CCDC93: variants seen among roughly 807,000 people sequenced by gnomAD.
CCDC93 encodes coiled-coil domain-containing protein 93.
A neutral mutation model predicts 108.2 loss-of-function variants in CCDC93; 61 were observed. The ratio of observed to expected loss-of-function variants is 0.56; its 90% CI spans 0.46 to 0.70. CCDC93 has a LOEUF of 0.70. Ranked by LOEUF, CCDC93 falls within the 30% of genes least tolerant of loss-of-function variation. CCDC93 has a pLI of 0.00. For missense variants in CCDC93, 685 were observed against 764.2 expected (o/e 0.90, Z 1.22); for synonymous variants, 276 against 260.4 (o/e 1.06, Z -0.58).
At chr2:117,975,092 G>C (rs1679892207) in intron 9 of CCDC93, 96 bp downstream of exon 9, 1 of 1,144,870 alleles carries the variant, frequency 8.7e-7, no homozygotes, top group Admixed American at 1.9e-5. Flanking sequence ...CTGGCTGTGG[G>C]AGGTGGTGGC....
intron 11 of CCDC93, among the ~76,000 whole-genome samples, chr2:117,963,310 A>C (rs1679454728): frequency 6.6e-6 from 1 of 152,220 alleles, no homozygotes; most frequent in East Asian, 1.9e-4. Flanking sequence ...GCAACAGATT[A>C]AATCTAATCA....
intron 23 of CCDC93, among the ~76,000 whole-genome samples, chr2:117,926,302 A>C (rs1678092732): frequency 6.6e-6 from 1 of 152,232 alleles, no homozygotes; most frequent in South Asian, 2.1e-4. Flanking sequence ...GACATAAAAA[A>C]CCCTTCAAAA....
At chr2:117,945,400 T>A in intron 17 of CCDC93, 129 bp downstream of exon 17, 1 of 718,362 alleles carries the variant, frequency 1.4e-6, no homozygotes, top group Non-Finnish European at 2.4e-6. Context: ...GACAATGCCC[T>A]GGAACGCCTA....
intron 13 of CCDC93, chr2:117,949,712 A>G (rs1230389973): frequency 1.0e-6 from 1 of 976,872 alleles, no homozygotes; most frequent in African/African-American, 1.8e-5. Flanking sequence ...AATTAAAAAA[A>G]AAAAGTTTTA....
chr2:117,927,732 C>T (rs1486369834), intron 23 of CCDC93, among the ~76,000 whole-genome samples: 1 of 152,180 alleles, frequency 6.6e-6, no homozygotes, highest in African/African-American at 2.4e-5. Context: ...CTACCAATGA[C>T]TTTCTTCACA....
At position 117,950,368 on chromosome 2, in the gene CCDC93, A is replaced by C. The variant is rs567335025; in HGVS notation, c.1069-973T>G. ...ACATAAAAGAATACTGCATAAAAAC[A>C]ATCAGCCTCACACACACGAAATTAG... On this transcript the variant is annotated intron_variant, in intron 13 of 23. Coordinates refer to ENST00000376300, the MANE Select transcript of CCDC93 (RefSeq NM_019044.5). 2.6e-4 allele frequency: 253 copies of C among 985,454 alleles called. 1 individual carries two copies. The African/African-American group carries it at 4.1e-3, about 16-fold the overall frequency. 61.0% of individuals were successfully genotyped at this position (985,454 alleles called of 1,614,324 possible).
At chr2:117,980,863 C>A (rs767533696) in intron 7 of CCDC93, among the ~76,000 whole-genome samples, 1 of 152,200 alleles carries the variant, frequency 6.6e-6, no homozygotes, top group Non-Finnish European at 1.5e-5. Flanking sequence ...ATTCTTCCCT[C>A]TTCCCAGCCC....
At chr2:118,008,011 T>C (rs1676925124) in intron 2 of CCDC93, among the ~76,000 whole-genome samples, 1 of 152,212 alleles carries the variant, frequency 6.6e-6, no homozygotes, top group Non-Finnish European at 1.5e-5. Context: ...ATCCCCACTC[T>C]ACAGAAATTG....
In CCDC93 at chr2:117,938,541, GAAAAAAAAGACAAGAAAAAAAA is replaced by G. The variant is rs1678592335; in HGVS notation, c.1605+466_1605+487del. 5.2e-5 allele frequency among the ~76,000 whole-genome samples: 4 copies of G among 77,134 alleles called. No individual in the cohort carries two copies. In the South Asian group the frequency reaches 1.8e-3, roughly 36 times the overall value. 50.6% of individuals were successfully genotyped at this position (77,134 alleles called of 152,430 possible). On this transcript the variant is annotated intron_variant, in intron 20 of 23. Transcript: ENST00000376300. Reference sequence around the variant, plus strand: ...TAAAACTTAAAGTATAATAATAAAAGAAAAAAAAGACAAGAAAAAAAAAAAAAAAAGACGAAGGGAGTGACAG... The same window carrying G: ...TAAAACTTAAAGTATAATAATAAAAGAAAAAAAAGACGAAGGGAGTGACAG...
intron 6 of CCDC93, among the ~76,000 whole-genome samples, chr2:117,993,195 G>C (rs1023400230): frequency 6.6e-6 from 1 of 152,084 alleles, no homozygotes; most frequent in African/African-American, 2.4e-5. Flanking sequence ...AGGAGATCGA[G>C]ACCATCCTGG....
chr2:117,926,516 T>G (rs1430519717), intron 23 of CCDC93, among the ~76,000 whole-genome samples: 1 of 152,158 alleles, frequency 6.6e-6, no homozygotes, highest in Non-Finnish European at 1.5e-5. Context: ...CTAGAAAATC[T>G]AGAAGAAATG....
At chr2:117,968,033 T>C (rs1679645686) in intron 11 of CCDC93, among the ~76,000 whole-genome samples, 2 of 152,214 alleles carry the variant, frequency 1.3e-5, no homozygotes, top group Non-Finnish European at 2.9e-5. Context: ...AATCTGTGCC[T>C]CTAGAGCTAT....
intron 22 of CCDC93, chr2:117,931,423 T>G: frequency 3.0e-6 from 1 of 329,756 alleles, no homozygotes; most frequent in Non-Finnish European, 5.6e-6. Context: ...GATTCTCAAC[T>G]AGGAGCTATT....
At chr2:117,986,345 T>C (rs1558796959) in intron 6 of CCDC93, among the ~76,000 whole-genome samples, 2 of 152,126 alleles carry the variant, frequency 1.3e-5, no homozygotes, top group South Asian at 2.1e-4. Flanking sequence ...GATCAATAAA[T>C]GCAGGTCTTC....
chr2:117,946,911 A>C (rs757094617), intron 15 of CCDC93, 29 bp from the exon 16 acceptor site: 2 of 1,528,554 alleles, frequency 1.3e-6, no homozygotes, highest in South Asian at 1.1e-5. Flanking sequence ...CTTTTACAAA[A>C]TTCAGACAAG....
chr2:117,960,329 G>A (rs763024436), intron 11 of CCDC93, among the ~76,000 whole-genome samples: 2 of 152,166 alleles, frequency 1.3e-5, no homozygotes, highest in Admixed American at 1.3e-4. Flanking sequence ...GTCAGGCTTC[G>A]AGACTGAGAC....
intron 11 of CCDC93, among the ~76,000 whole-genome samples, chr2:117,963,595 T>A (rs755753657): frequency 6.6e-6 from 1 of 152,184 alleles, no homozygotes; most frequent in African/African-American, 2.4e-5. Context: ...CAAAAACCCA[T>A]AGTTATGTAA....
At position 117,995,518 on chromosome 2, in the gene CCDC93, G is replaced by A; in HGVS notation, c.463-16C>T. ...AGTCATCATCCTACAAGACAAAACA[G>A]AGCGATTAAACAAATCCCAAGGGAA... On this transcript the variant is annotated splice_polypyrimidine_tract_variant and intron_variant, in intron 5 of 23. Coordinates refer to ENST00000376300, the MANE Select transcript of CCDC93 (RefSeq NM_019044.5). 1 of 1,607,242 alleles carries A rather than the reference G, an allele frequency of 6.2e-7. No individual in the cohort carries two copies.
chr2:118,001,140 C>T, intron 3 of CCDC93: 1 of 457,380 alleles, frequency 2.2e-6, no homozygotes, highest in Non-Finnish European at 3.9e-6. Flanking sequence ...AAACTGCCTT[C>T]ATCCTTTATT....
Sources: gnomAD v4.1 joint callset for allele counts (sites outside exome capture counted in the v4.1 genomes callset) on GRCh38, gnomAD v4.1.1 for gene constraint, MANE v1.5 for transcripts, NCBI Gene and HGNC (gene_info 2026-07-23, HGNC 2026-07-21) for gene names.